Variants in ST3GAL3 observed in about 807,000 individuals in gnomAD.
ST3GAL3 encodes the protein ST3 beta-galactoside alpha-2,3-sialyltransferase 3, also known as CMP-N-acetylneuraminate-beta-1,4-galactoside alpha-2,3-sialyltransferase.
In ST3GAL3, 21 loss-of-function variants were observed where a neutral mutation model predicts 50.1. The observed-to-expected ratio is 0.42, with a 90% CI of 0.30 to 0.60. ST3GAL3 has a LOEUF of 0.60. ST3GAL3 is among the 20% of genes least tolerant of loss of function. The pLI is 0.19. For synonymous variants in ST3GAL3, 183 were observed against 190.0 expected (o/e 0.96, Z 0.30); for missense variants, 353 against 489.4 (o/e 0.72, Z 2.63).
At chr1:43,834,820 G>C (rs1176877234) in intron 4 of ST3GAL3, among the ~76,000 whole-genome samples, 2 of 152,140 alleles carry the variant, frequency 1.3e-5, no homozygotes, top group African/African-American at 4.8e-5. Context: ...GGAATTACAT[G>C]GTTTCCACTG....
Position 43,745,056 on chromosome 1 carries a change from T to C in ST3GAL3, c.118+8676T>C, listed in dbSNP as rs536603945. 6.3e-4 allele frequency among the ~76,000 whole-genome samples: 96 copies of C among 152,162 alleles called. 1 individual carries two copies. The South Asian group carries it at 8.9e-3, about 14-fold the overall frequency. On this transcript the variant is annotated intron_variant, in intron 2 of 11. Coordinates refer to ENST00000347631, the MANE Select transcript of ST3GAL3 (RefSeq NM_006279.5). ...GCTCATGCCTGTAATCCCAACACTT[T>C]GGGAGGGCTGACTTAAGGTCAGGAG...
At chr1:43,878,664 T>G in intron 5 of ST3GAL3, among the ~76,000 whole-genome samples, 1 of 152,304 alleles carries the variant, frequency 6.6e-6, no homozygotes, top group Admixed American at 6.5e-5. Flanking sequence ...AGATCATAGA[T>G]GGCCTTATAG....
chr1:43,746,462 A>AT (rs35545005), intron 2 of ST3GAL3, among the ~76,000 whole-genome samples: 182 of 133,260 alleles, frequency 1.4e-3, no homozygotes, highest in Middle Eastern at 3.9e-3. Context: ...TAAAATGGTA[A>AT]TTTTTTTTTT....
intron 1 of ST3GAL3, among the ~76,000 whole-genome samples, chr1:43,728,076 G>A (rs1038090181): frequency 2.6e-5 from 4 of 151,928 alleles, no homozygotes; most frequent in Admixed American, 6.6e-5. Flanking sequence ...CTGTGTGTCC[G>A]TAAGTACCCA....
At chr1:43,904,913 C>G (rs372026103) in intron 9 of ST3GAL3, among the ~76,000 whole-genome samples, 30 of 62,502 alleles carry the variant, frequency 4.8e-4, no homozygotes, top group South Asian at 1.2e-3. Context: ...CCTCCTGCTC[C>G]TCTTCCCGCC....
At chr1:43,878,290 A>G (rs2788371) in intron 5 of ST3GAL3, among the ~76,000 whole-genome samples, 28,293 of 152,116 alleles carry the variant, frequency 0.19, 3,481 homozygotes, top group African/African-American at 0.34. Context: ...CCTCATCTCA[A>G]AATCTTACTT....
At chr1:43,882,306 A>G (rs1430573819) in intron 5 of ST3GAL3, among the ~76,000 whole-genome samples, 1 of 152,196 alleles carries the variant, frequency 6.6e-6, no homozygotes, top group Non-Finnish European at 1.5e-5. Context: ...TCTGGAAATT[A>G]TACATAGTTG....
chr1:43,733,025 C>G (rs552584347), intron 1 of ST3GAL3, among the ~76,000 whole-genome samples: 6 of 149,652 alleles, frequency 4.0e-5, no homozygotes, highest in African/African-American at 1.5e-4. Context: ...GTTGCCCAGG[C>G]TGATGTGCAG....
In ST3GAL3 at chr1:43,920,355, C is replaced by T. The variant is rs375802016; in HGVS notation, c.745-49C>T. On this transcript the variant is annotated intron_variant, in intron 9 of 11. Transcript: ENST00000347631. ...GGGGTCCCTGCCACTCCCCTAGGCT[C>T]ATCCCTTGCTGTGTGCCTCGTTGAG... 2.9e-4 allele frequency: 475 copies of T among 1,613,502 alleles called. 1 individual carries two copies. Among genetic ancestry groups the T allele is most frequent in the Non-Finnish European group, 3.8e-4 (446 of 1,179,758 alleles).
At chr1:43,734,463 C>G (rs1677463695) in intron 1 of ST3GAL3, among the ~76,000 whole-genome samples, 1 of 151,856 alleles carries the variant, frequency 6.6e-6, no homozygotes, top group South Asian at 2.1e-4. Flanking sequence ...CACTACTAGG[C>G]CTGGCTAACT....
chr1:43,878,469 T>C (rs2074499657), intron 5 of ST3GAL3, among the ~76,000 whole-genome samples: 1 of 151,920 alleles, frequency 6.6e-6, no homozygotes, highest in African/African-American at 2.4e-5. Context: ...TCAAGGGAAA[T>C]GAGAGATTTG....
intron 11 of ST3GAL3, 97 bp downstream of exon 11, chr1:43,921,025 C>CCAGAACTCCCCAGAAGGTCCTGA: frequency 7.2e-7 from 1 of 1,392,904 alleles, no homozygotes; most frequent in Non-Finnish European, 9.8e-7. Flanking sequence ...GTCTGGCTGC[C>CCAGAACTCCCCAGAAGGTCCTGA]CAGAACTCCC....
intron 11 of ST3GAL3, among the ~76,000 whole-genome samples, chr1:43,926,827 G>A (rs2084050065): frequency 6.6e-6 from 1 of 152,080 alleles, no homozygotes; most frequent in African/African-American, 2.4e-5. Context: ...CTACACCCCA[G>A]GGCTGACTTT....
chr1:43,730,530 ATTTCTTTTTCT>A (rs1230219320), intron 1 of ST3GAL3, among the ~76,000 whole-genome samples: 1 of 80,154 alleles, frequency 1.2e-5, no homozygotes, highest in Non-Finnish European at 3.1e-5. Flanking sequence ...CAAGTTTCTG[ATTTCTTTTTCT>A]TTTCTTTTTT....
intron 11 of ST3GAL3, among the ~76,000 whole-genome samples, chr1:43,925,361 G>A (rs1182434370): frequency 6.7e-6 from 1 of 150,360 alleles, no homozygotes; most frequent in African/African-American, 2.4e-5. Flanking sequence ...CTTGGTTCAG[G>A]GGCTGACTCT....
chr1:43,823,008 A>G lies in ST3GAL3; in HGVS notation c.209+8075A>G, dbSNP rs2062310005. On this transcript the variant is annotated intron_variant, in intron 4 of 11. Coordinates refer to ENST00000347631, the MANE Select transcript of ST3GAL3 (RefSeq NM_006279.5). ...CTGTAGCATCATTTCTTTGACACTC[A>G]AATCTGATATCAGCAAACCTTATTA... Among the ~76,000 whole-genome samples the G allele has an allele frequency of 1.3e-5, 2 of 152,182 alleles. 1 individual carries two copies. Among genetic ancestry groups the G allele is most frequent in the Admixed American group, 1.3e-4 (2 of 15,272 alleles).
intron 2 of ST3GAL3, among the ~76,000 whole-genome samples, chr1:43,774,190 C>A (rs935012014): frequency 3.3e-5 from 5 of 152,116 alleles, no homozygotes; most frequent in Non-Finnish European, 7.3e-5. Context: ...ACTATAATGA[C>A]AATATTGACT....
At chr1:43,872,303 T>G (rs2073149125) in intron 5 of ST3GAL3, among the ~76,000 whole-genome samples, 1 of 40,584 alleles carries the variant, frequency 2.5e-5, no homozygotes, top group East Asian at 7.6e-4. Flanking sequence ...GAGGGTGTGT[T>G]GGGGAGAGGT....
At chr1:43,848,455 G>A (rs1313584043) in intron 5 of ST3GAL3, among the ~76,000 whole-genome samples, 17 of 151,670 alleles carry the variant, frequency 1.1e-4, no homozygotes, top group African/African-American at 3.9e-4. Flanking sequence ...ACAAGCATGC[G>A]CCACCACACC....
Sources: allele counts gnomAD v4.1 joint callset (sites outside exome capture counted in the v4.1 genomes callset), GRCh38; gene constraint gnomAD v4.1.1; transcripts MANE v1.5; gene names NCBI Gene and HGNC (gene_info 2026-07-23, HGNC 2026-07-21).